GFPT2: variants seen among roughly 807,000 people sequenced by gnomAD.
GFPT2 encodes glutamine--fructose-6-phosphate aminotransferase [isomerizing] 2.
GFPT2 carries 62 observed loss-of-function variants against 85.6 expected under a neutral mutation model. The observed-to-expected ratio is 0.72, with a 90% CI of 0.59 to 0.90. The LOEUF is 0.90. Ranked by LOEUF, GFPT2 falls within the 40% of genes least tolerant of loss-of-function variation. GFPT2 has a pLI of 0.00. For missense variants in GFPT2, 788 were observed against 893.4 expected (o/e 0.88, Z 1.50); for synonymous variants, 368 against 344.5 (o/e 1.07, Z -0.75).
rs538262053 is a variant in GFPT2, at chr5:180,301,093, T to C, written c.*471A>G. The C allele has an allele frequency of 6.0e-6, 1 of 166,192 alleles. No individual in the cohort carries two copies. The highest frequency in any genetic ancestry group is 2.4e-5 in the African/African-American group (1 of 41,816). The allele number at this position is 166,192 out of a possible 1,614,324, so 10.3% of individuals were successfully genotyped here. A position where few individuals can be genotyped will look rare whatever the true frequency, so the allele number is the denominator to read the frequency against. ...CAATGCCTTGTGCTCACATCTGAGATGAATGCCACCTGCCAGGAGCAAGCC... is the reference window on the plus strand; with the variant it reads ...CAATGCCTTGTGCTCACATCTGAGACGAATGCCACCTGCCAGGAGCAAGCC... On this transcript the variant is annotated 3_prime_UTR_variant, in exon 19 of 19. Transcript: ENST00000253778.
intron 1 of GFPT2, among the ~76,000 whole-genome samples, chr5:180,341,411 A>T (rs1405135735): frequency 6.6e-6 from 1 of 152,256 alleles, no homozygotes; most frequent in East Asian, 1.9e-4. Flanking sequence ...CTACATCTGA[A>T]TAAATGATAA....
intron 15 of GFPT2, among the ~76,000 whole-genome samples, chr5:180,308,786 G>A (rs1374830710): frequency 6.6e-6 from 1 of 152,080 alleles, no homozygotes; most frequent in Admixed American, 6.6e-5. Flanking sequence ...ACAAAGGTAT[G>A]TAAATCTTCT....
At chr5:180,321,328 G>A (rs1351943057) in intron 9 of GFPT2, among the ~76,000 whole-genome samples, 1 of 152,194 alleles carries the variant, frequency 6.6e-6, no homozygotes, top group Non-Finnish European at 1.5e-5. Context: ...ATGTGTGCAT[G>A]TACATGTTTG....
chr5:180,341,804 C>A (rs1764521243), intron 1 of GFPT2, among the ~76,000 whole-genome samples: 1 of 152,210 alleles, frequency 6.6e-6, no homozygotes, highest in Non-Finnish European at 1.5e-5. Flanking sequence ...CCAGTGAGGG[C>A]CGCGCAGCAC....
At chr5:180,308,491 G>A (rs1246313184) in intron 15 of GFPT2, among the ~76,000 whole-genome samples, 3 of 152,082 alleles carry the variant, frequency 2.0e-5, no homozygotes, top group Non-Finnish European at 2.9e-5. Context: ...AAGCTCTTTT[G>A]GTTGAAGTAT....
At chr5:180,322,668 A>T (rs544867061) in intron 9 of GFPT2, among the ~76,000 whole-genome samples, 1 of 152,346 alleles carries the variant, frequency 6.6e-6, no homozygotes, top group African/African-American at 2.4e-5. Context: ...GGCTGGATTT[A>T]AAAATGTGTA....
At chr5:180,344,548 G>A (rs1386091786) in intron 1 of GFPT2, among the ~76,000 whole-genome samples, 1 of 152,210 alleles carries the variant, frequency 6.6e-6, no homozygotes, top group Middle Eastern at 3.2e-3. Context: ...ACGCAGACCT[G>A]CCTGGTTCAC....
Position 180,316,987 on chromosome 5 carries a change from G to C in GFPT2, c.1030C>G (p.Arg344Gly), listed in dbSNP as rs369194682. The stretch of plus-strand genomic sequence containing the variant: ...CCTGTGTTGGTTTCAAAATTCACCC[G>C]ACCTCTCATAGTATTGAAAACTGAT... The part of the protein sequence containing the change: ...PESVFNTMRG[R>G]VNFETNTVLL... The change falls in exon 11 of 19, where the codon CGG becomes GGG. Residue 344 changes from arginine (R) to glycine (G), a missense_variant. Transcript: ENST00000253778. 6.2e-7 allele frequency: 1 copy of C among 1,609,426 alleles called. No homozygotes were observed. The highest frequency in any genetic ancestry group is 1.7e-5 in the Admixed American group (1 of 60,014).
At chr5:180,342,543 TG>T (rs1470504243) in intron 1 of GFPT2, among the ~76,000 whole-genome samples, 1 of 150,586 alleles carries the variant, frequency 6.6e-6, no homozygotes, top group Non-Finnish European at 1.5e-5. Flanking sequence ...CCCAAAGTGC[TG>T]GGATTACAGG....
chr5:180,321,466 C>T (rs1015182478), intron 9 of GFPT2, among the ~76,000 whole-genome samples: 1 of 152,248 alleles, frequency 6.6e-6, no homozygotes, highest in Admixed American at 6.5e-5. Flanking sequence ...TGCCCGTGGG[C>T]AACATACATA....
Position 180,313,937 on chromosome 5 carries a change from A to G in GFPT2, c.1301T>C (p.Leu434Pro). The G allele has an allele frequency of 6.2e-7, 1 of 1,602,890 alleles. No individual in the cohort carries two copies. Among genetic ancestry groups the G allele is most frequent in the Non-Finnish European group, 8.5e-7 (1 of 1,179,056 alleles). ...SGETADTLLALRYCKDRGALT... is the reference protein window; with the variant it reads ...SGETADTLLAPRYCKDRGALT... ...AGCGCCGCGGTCCTTACAGTAGCGCAGCGCCAGGAGGGTGTCCGCGGTCTC... is the reference window on the plus strand; with the variant it reads ...AGCGCCGCGGTCCTTACAGTAGCGCGGCGCCAGGAGGGTGTCCGCGGTCTC... Residue 434 changes from leucine (L) to proline (P), a missense_variant, in exon 14 of 19, where the codon CTG becomes CCG. Leu to Pro is a moderately conservative substitution (Grantham distance 98). Transcript: ENST00000253778.
intron 2 of GFPT2, 101 bp downstream of exon 2, chr5:180,338,392 G>T: frequency 2.0e-6 from 1 of 496,834 alleles, no homozygotes; most frequent in Non-Finnish European, 3.6e-6. Context: ...AAAAGTAGCA[G>T]AAAAAATGCC....
intron 9 of GFPT2, 67 bp downstream of exon 9, chr5:180,324,121 G>A (rs1263447599): frequency 2.3e-6 from 2 of 875,462 alleles, no homozygotes; most frequent in African/African-American, 3.3e-5. Context: ...ATAAGAACCG[G>A]CAGTGTTTAG....
At chr5:180,352,370 A>C (rs1156964336) in intron 1 of GFPT2, 1 of 434,302 alleles carries the variant, frequency 2.3e-6, no homozygotes, top group Non-Finnish European at 4.5e-6. Context: ...GAGCACAGTG[A>C]CCTTTTGTCC....
At chr5:180,324,979 C>T in intron 7 of GFPT2, 84 bp from the exon 8 acceptor site, 1 of 845,798 alleles carries the variant, frequency 1.2e-6, no homozygotes, top group Non-Finnish European at 2.0e-6. Flanking sequence ...GGTAGGATCC[C>T]CAAATCTAGC....
intron 6 of GFPT2, among the ~76,000 whole-genome samples, chr5:180,329,381 T>C (rs1369361550): frequency 1.3e-5 from 2 of 152,230 alleles, no homozygotes; most frequent in African/African-American, 4.8e-5. Context: ...ACACTGCACG[T>C]TCTCTGCCAA....
intron 1 of GFPT2, among the ~76,000 whole-genome samples, chr5:180,350,014 C>T (rs1764681804): frequency 6.6e-6 from 1 of 152,068 alleles, no homozygotes; most frequent in South Asian, 2.1e-4. Context: ...TGCCACACTC[C>T]AGCTCATGCT....
In GFPT2 at chr5:180,338,504, T is replaced by C; in HGVS notation, c.104A>G (p.Tyr35Cys). 4 of 1,600,332 alleles carry C rather than the reference T, an allele frequency of 2.5e-6. No homozygotes were observed. The highest frequency in any genetic ancestry group is 3.4e-6 in the Non-Finnish European group (4 of 1,168,036). The change falls in exon 2 of 19, where the codon TAC becomes TGC. Residue 35 changes from tyrosine to cysteine, a missense_variant. Coordinates refer to ENST00000253778, the MANE Select transcript of GFPT2 (RefSeq NM_005110.4). The stretch of plus-strand genomic sequence containing the variant: ...GGCCGCACACCCACCTGCCGAGTCG[T>C]AGCCTCTGTACTCCAGCCGCTGCAG... ...KGLQRLEYRG[Y>C]DSAGVAIDGN...
chr5:180,329,450 G>C (rs1009638291), intron 6 of GFPT2, among the ~76,000 whole-genome samples: 3 of 152,210 alleles, frequency 2.0e-5, no homozygotes, highest in Non-Finnish European at 2.9e-5. Context: ...GTCATTATGA[G>C]AGAGGTATTT....
Sources: gnomAD v4.1 joint callset for allele counts (sites outside exome capture counted in the v4.1 genomes callset) on GRCh38, gnomAD v4.1.1 for gene constraint, MANE v1.5 for transcripts, NCBI Gene and HGNC (gene_info 2026-07-23, HGNC 2026-07-21) for gene names.